Variants in CNTNAP3 observed in about 807,000 individuals in gnomAD.
CNTNAP3 encodes the protein contactin associated protein family member 3, also known as contactin-associated protein-like 3.
In CNTNAP3, 36 loss-of-function variants were observed where a neutral mutation model predicts 92.1. The observed-to-expected ratio is 0.39, with a 90% confidence interval of 0.30 to 0.52. The LOEUF (loss-of-function observed/expected upper bound fraction) is 0.52. CNTNAP3 is among the 20% of genes least tolerant of loss of function. The pLI is 0.76. For missense variants in CNTNAP3, 534 were observed against 1,069.6 expected, an observed-to-expected ratio of 0.50 and a Z score of 6.98; for synonymous variants, 232 against 422.3, an observed-to-expected ratio of 0.55 and a Z score of 5.53.
Position 39,132,798 on chromosome 9 carries a change from G to C in CNTNAP3, c.2080+134C>G, listed in dbSNP as rs1347970727. ...GGTCCAACCAAGAGCGGGAAGAGAA[G>C]GAGAGAGTGGTCAGGGCTTTGAACT... On this transcript the variant is annotated intron_variant, in intron 13 of 23. Transcript: ENST00000297668. 2.8e-6 allele frequency: 3 copies of C among 1,054,906 alleles called. No homozygotes were observed. In the South Asian group the frequency reaches 5.3e-5, roughly 19 times the overall value. The allele number at this position is 1,054,906 out of a possible 1,614,324, so 65.3% of individuals were successfully genotyped here. A position where few individuals can be genotyped will look rare whatever the true frequency, so the allele number is the denominator to read the frequency against.
At chr9:39,081,625 T>C (rs1039171006) in intron 21 of CNTNAP3, among the ~76,000 whole-genome samples, 3 of 151,694 alleles carry the variant, frequency 2.0e-5, no homozygotes, top group African/African-American at 7.3e-5. Context: ...ATATTTGAGA[T>C]AGGGTTGTCT....
At chr9:39,085,241 T>TA (rs1467583143) in intron 21 of CNTNAP3, 2 of 155,884 alleles carry the variant, frequency 1.3e-5, no homozygotes, top group African/African-American at 5.2e-5. Flanking sequence ...CCATTCCTGT[T>TA]AGATACTAAA....
chr9:39,126,150 T>C (rs1258673066), intron 13 of CNTNAP3, among the ~76,000 whole-genome samples: 2 of 152,134 alleles, frequency 1.3e-5, no homozygotes, highest in Non-Finnish European at 2.9e-5. Flanking sequence ...ACAAAAGGCA[T>C]GTTCTTGAAT....
rs1821797603 is a variant in CNTNAP3, at chr9:39,149,811, T to C, written c.1644A>G (p.Thr548=). The C allele has an allele frequency of 6.3e-7, 1 of 1,587,334 alleles. No homozygotes were observed. The highest frequency in any genetic ancestry group is 8.6e-7 in the Non-Finnish European group (1 of 1,165,476). ...TGACCTAGGATGGCCCTTACCTGTC[T>C]GTGATGCCGCAGGAGTCTATCTGGA... ...RDLQIDSCGI[T]DRCLPSYCEH... The change falls in exon 10 of 24, where the codon ACA becomes ACG. Residue 548 remains threonine (T), a synonymous_variant. Coordinates refer to ENST00000297668, the MANE Select transcript of CNTNAP3 (RefSeq NM_033655.5).
chr9:39,088,124 C>G (rs1826104988), intron 19 of CNTNAP3, among the ~76,000 whole-genome samples: 1 of 151,928 alleles, frequency 6.6e-6, no homozygotes, highest in African/African-American at 2.4e-5. Context: ...AAATGAACTG[C>G]AAAACCAATT....
At position 39,069,589 on chromosome 9, in the gene CNTNAP3, A is replaced by G. The variant is rs1217868001; in HGVS notation, c.*4301T>C. ...GGTCATAACCTATAGGCAATAAACT[A>G]TGTTATCATTTTGTAAAAAAAATAC... is the stretch of plus-strand genomic sequence containing the variant. On this transcript the variant is annotated 3_prime_UTR_variant, in exon 24 of 24. Transcript: ENST00000297668. 8.5e-5 allele frequency among the ~76,000 whole-genome samples: 13 copies of G among 152,166 alleles called. No homozygotes were observed. The highest frequency in any genetic ancestry group is 7.4e-5 in the Non-Finnish European group (5 of 67,954).
At chr9:39,132,885 G>A (rs762041605) in intron 13 of CNTNAP3, 47 bp downstream of exon 13, 38 of 1,502,748 alleles carry the variant, frequency 2.5e-5, no homozygotes, top group South Asian at 3.7e-5. Flanking sequence ...CCCGAGGGCC[G>A]CGCCCCGGCC....
In CNTNAP3 at chr9:39,134,314, A is replaced by C. The variant is rs1821375278; in HGVS notation, c.1877-1179T>G. The stretch of plus-strand genomic sequence containing the variant: ...GAATGCAATTTTAAATTAAATTATC[A>C]CTCCACTCACTGTACTCACCAAAGG... On this transcript the variant is annotated intron_variant, in intron 12 of 23. Coordinates refer to ENST00000297668, the MANE Select transcript of CNTNAP3 (RefSeq NM_033655.5). Among the ~76,000 whole-genome samples, 3 of 152,146 alleles carry C rather than the reference A, an allele frequency of 2.0e-5. No individual in the cohort carries two copies. In the South Asian group the frequency reaches 6.2e-4, roughly 32 times the overall value.
chr9:39,134,897 G>A (rs1821392937), intron 12 of CNTNAP3, among the ~76,000 whole-genome samples: 1 of 152,214 alleles, frequency 6.6e-6, no homozygotes, highest in African/African-American at 2.4e-5. Flanking sequence ...ATGATTTGTT[G>A]TACAATGGGA....
intron 23 of CNTNAP3, among the ~76,000 whole-genome samples, chr9:39,075,767 A>T (rs1249502560): frequency 6.6e-6 from 1 of 152,306 alleles, no homozygotes; most frequent in Non-Finnish European, 1.5e-5. Flanking sequence ...ATTGTTGAAG[A>T]TGAGCCAGAC....
At position 39,073,709 on chromosome 9, in the gene CNTNAP3, G is replaced by C; in HGVS notation, c.*181C>G. On this transcript the variant is annotated 3_prime_UTR_variant, in exon 24 of 24. Transcript: ENST00000297668. Reference sequence around the variant, plus strand: ...GAGAAAGGGACCTCCCAGAGGCTCCGAGGCTGCAGGTCTTCAGCCAGGTGA... The same window carrying C: ...GAGAAAGGGACCTCCCAGAGGCTCCCAGGCTGCAGGTCTTCAGCCAGGTGA... The C allele has an allele frequency of 6.7e-7, 1 of 1,492,660 alleles. No homozygotes were observed. Among genetic ancestry groups the C allele is most frequent in the Non-Finnish European group, 9.1e-7 (1 of 1,101,464 alleles). 92.5% of individuals were successfully genotyped at this position (1,492,660 alleles called of 1,614,324 possible). A position where few individuals can be genotyped will look rare whatever the true frequency, so the allele number is the denominator to read the frequency against.
At chr9:39,107,695 T>C (rs1213717855) in intron 15 of CNTNAP3, among the ~76,000 whole-genome samples, 1 of 152,058 alleles carries the variant, frequency 6.6e-6, no homozygotes. Context: ...ATTGAATGCA[T>C]AGGAGAAGGA....
intron 1 of CNTNAP3, among the ~76,000 whole-genome samples, chr9:39,278,531 A>C (rs868011452): frequency 2.4e-5 from 1 of 41,564 alleles, no homozygotes; most frequent in African/African-American, 4.6e-5. Context: ...GAGGCATCAC[A>C]CTACCTGACT....
chr9:39,110,663 T>C (rs1439794577), intron 14 of CNTNAP3, among the ~76,000 whole-genome samples: 1 of 152,128 alleles, frequency 6.6e-6, no homozygotes, highest in African/African-American at 2.4e-5. Context: ...ATTTTGTCTC[T>C]GGCCAAAATA....
chr9:39,122,587 G>T (rs577109536), intron 13 of CNTNAP3, among the ~76,000 whole-genome samples: 1 of 152,326 alleles, frequency 6.6e-6, no homozygotes, highest in South Asian at 2.1e-4. Flanking sequence ...TGACACCACA[G>T]TTATGCAAAG....
rs1822040078 is a variant in CNTNAP3 at position 39,159,645 on chromosome 9, T to TAGAC, written c.1477+6287_1477+6288insGTCT. On this transcript the variant is annotated intron_variant, in intron 9 of 23. Coordinates refer to ENST00000297668, the MANE Select transcript of CNTNAP3 (RefSeq NM_033655.5). ...CCACGCCTGGAGATAGATAGATAGATAGATAGATAGATAGATAGATAGATA... is the reference window on the plus strand; with the variant it reads ...CCACGCCTGGAGATAGATAGATAGATAGACAGATAGATAGATAGATAGATAGATA... 2.2e-5 allele frequency: 3 copies of TAGAC among 138,720 alleles called. No homozygotes were observed. The South Asian group carries it at 6.4e-4, about 30-fold the overall frequency. The allele number at this position is 138,720 out of a possible 1,614,324, so 8.6% of individuals were successfully genotyped here.
chr9:39,068,230 T>A lies in CNTNAP3; in HGVS notation c.*5660A>T, dbSNP rs1326426484. Among the ~76,000 whole-genome samples, 2,966 of 124,162 alleles carry A rather than the reference T, an allele frequency of 0.024. No individual in the cohort carries two copies. The highest frequency in any genetic ancestry group is 0.082 in the Middle Eastern group (16 of 194). 81.5% of individuals were successfully genotyped at this position (124,162 alleles called of 152,430 possible). A position where few individuals can be genotyped will look rare whatever the true frequency, so the allele number is the denominator to read the frequency against. On this transcript the variant is annotated 3_prime_UTR_variant, in exon 24 of 24. Coordinates refer to ENST00000297668, the MANE Select transcript of CNTNAP3 (RefSeq NM_033655.5). Reference sequence around the variant, plus strand: ...CTGGCTAACACGGTGAAACCTTGCCTCCACTAAAAATACAAAAAAAAAAAA... The same window carrying A: ...CTGGCTAACACGGTGAAACCTTGCCACCACTAAAAATACAAAAAAAAAAAA...
At chr9:39,102,805 G>C (rs1826495531) in intron 16 of CNTNAP3, 90 bp from the exon 17 acceptor site, 1 of 1,180,746 alleles carries the variant, frequency 8.5e-7, no homozygotes, top group Admixed American at 2.0e-5. Context: ...GCACGCTCAG[G>C]ATGGAAGGAG....
At chr9:39,116,339 C>T (rs1183130563) in intron 14 of CNTNAP3, among the ~76,000 whole-genome samples, 1 of 151,828 alleles carries the variant, frequency 6.6e-6, no homozygotes, top group East Asian at 1.9e-4. Context: ...AGGGCTGGAG[C>T]CCTCACAGGC....
Sources: allele counts gnomAD v4.1 joint callset (sites outside exome capture counted in the v4.1 genomes callset), GRCh38; gene constraint gnomAD v4.1.1; transcripts MANE v1.5; gene names NCBI Gene and HGNC (gene_info 2026-07-23, HGNC 2026-07-21).